The following SLC24A2 variants were observed in gnomAD, a reference collection of about 807,000 sequenced individuals.
The protein encoded by SLC24A2 is solute carrier family 24 member 2.
In SLC24A2, 36 loss-of-function variants were observed where a neutral mutation model predicts 62.0. The observed-to-expected ratio is 0.58, with a 90% CI of 0.44 to 0.77. The LOEUF is 0.77. Among genes scored for constraint, SLC24A2 ranks in the 30% least tolerant of loss-of-function variants. The probability of loss-of-function intolerance (pLI) is 0.00; values close to 1 mark genes in which losing one functional copy is unlikely to be tolerated. For missense variants in SLC24A2, 846 were observed against 817.9 expected (o/e 1.03, Z -0.42); for synonymous variants, 358 against 294.0 (o/e 1.22, Z -2.23).
At chr9:19,657,433 G>A (rs896949038) in intron 2 of SLC24A2, among the ~76,000 whole-genome samples, 1 of 151,944 alleles carries the variant, frequency 6.6e-6, no homozygotes, top group African/African-American at 2.4e-5. Context: ...GAACGTGCAG[G>A]TTTGTTACAT....
chr9:20,045,546 C>A, the SLC24A2 span, among the ~76,000 whole-genome samples: 1 of 152,098 alleles, frequency 6.6e-6, no homozygotes, highest in Non-Finnish European at 1.5e-5. Context: ...ACTCTCCTGC[C>A]TCAGCCTCCT....
the SLC24A2 span, among the ~76,000 whole-genome samples, chr9:19,984,866 C>A: frequency 6.6e-6 from 1 of 152,118 alleles, no homozygotes. Context: ...ACCTCACACC[C>A]TCCGAAATAT....
the SLC24A2 span, among the ~76,000 whole-genome samples, chr9:19,825,425 T>A: frequency 6.6e-6 from 1 of 152,176 alleles, no homozygotes; most frequent in South Asian, 2.1e-4. Flanking sequence ...TTATATCTAC[T>A]CTGGGGAAAT....
chr9:20,265,182 G>T, the SLC24A2 span, among the ~76,000 whole-genome samples: 1 of 152,234 alleles, frequency 6.6e-6, no homozygotes, highest in African/African-American at 2.4e-5. Context: ...TAGAAAGGAC[G>T]GACATCTATG....
chr9:20,015,534 T>A, the SLC24A2 span, among the ~76,000 whole-genome samples: 1 of 152,202 alleles, frequency 6.6e-6, no homozygotes, highest in Admixed American at 6.5e-5. Flanking sequence ...TTTCCAATTC[T>A]CATGCAAATG....
At chr9:20,118,352 C>A in the SLC24A2 span, among the ~76,000 whole-genome samples, 1 of 151,956 alleles carries the variant, frequency 6.6e-6, no homozygotes, top group African/African-American at 2.4e-5. Flanking sequence ...CATTTCTGAA[C>A]AATTTAAGTT....
chr9:20,236,879 T>C, the SLC24A2 span, among the ~76,000 whole-genome samples: 1 of 152,074 alleles, frequency 6.6e-6, no homozygotes, highest in Non-Finnish European at 1.5e-5. Flanking sequence ...GTGCCTGTCA[T>C]TTCCTAACTA....
chr9:19,773,802 AAAT>A (rs1421578769), intron 2 of SLC24A2, among the ~76,000 whole-genome samples: 7 of 152,230 alleles, frequency 4.6e-5, no homozygotes, highest in African/African-American at 1.4e-4. Flanking sequence ...AGCTAAGATT[AAAT>A]ATTGATGATA....
chr9:20,252,453 T>C, the SLC24A2 span, among the ~76,000 whole-genome samples: 1 of 152,186 alleles, frequency 6.6e-6, no homozygotes, highest in Non-Finnish European at 1.5e-5. Context: ...GATGCCATGC[T>C]TTTTGACACT....
chr9:20,049,530 C>G, the SLC24A2 span, among the ~76,000 whole-genome samples: 30 of 150,694 alleles, frequency 2.0e-4, no homozygotes, highest in African/African-American at 7.3e-4. Flanking sequence ...CACTGACACA[C>G]TCACACACAA....
intron 2 of SLC24A2, among the ~76,000 whole-genome samples, chr9:19,689,764 T>A (rs1259006407): frequency 6.6e-6 from 1 of 152,122 alleles, no homozygotes; most frequent in African/African-American, 2.4e-5. Context: ...CTCTCTCTGT[T>A]TGGGTTAATT....
the SLC24A2 span, among the ~76,000 whole-genome samples, chr9:20,041,407 G>T: frequency 1.3e-5 from 2 of 152,226 alleles, no homozygotes; most frequent in East Asian, 1.9e-4. Context: ...GCCTGCTGTG[G>T]CAATCAGCTT....
At chr9:19,547,786 CT>C (rs1282969240) in intron 8 of SLC24A2, among the ~76,000 whole-genome samples, 1 of 151,448 alleles carries the variant, frequency 6.6e-6, no homozygotes, top group East Asian at 1.9e-4. Context: ...ATTTTCCTCC[CT>C]AGGGCCACAC....
At chr9:20,260,849 C>CTTTT in the SLC24A2 span, among the ~76,000 whole-genome samples, 38 of 90,260 alleles carry the variant, frequency 4.2e-4, no homozygotes, top group South Asian at 5.8e-3. Context: ...ATCATTCTTT[C>CTTTT]TTTTTTTTTT....
At chr9:19,682,368 G>A (rs1209509053) in intron 2 of SLC24A2, among the ~76,000 whole-genome samples, 1 of 152,106 alleles carries the variant, frequency 6.6e-6, no homozygotes, top group Non-Finnish European at 1.5e-5. Context: ...GCCCAACCGG[G>A]AGAAACATTA....
At chr9:20,050,805 T>A in the SLC24A2 span, among the ~76,000 whole-genome samples, 1 of 152,202 alleles carries the variant, frequency 6.6e-6, no homozygotes, top group East Asian at 1.9e-4. Flanking sequence ...AATATAAAGC[T>A]GTAGCCTAAT....
At chr9:20,291,487 C>T in the SLC24A2 span, among the ~76,000 whole-genome samples, 7 of 152,166 alleles carry the variant, frequency 4.6e-5, no homozygotes, top group Non-Finnish European at 1.0e-4. Flanking sequence ...TGACATCTCA[C>T]ATCTCCCTCG....
chr9:19,588,413 G>A (rs1487759322), intron 5 of SLC24A2, among the ~76,000 whole-genome samples: 2 of 152,070 alleles, frequency 1.3e-5, no homozygotes, highest in Non-Finnish European at 2.9e-5. Context: ...TTTCTGTAGG[G>A]ATAGCAATGA....
At chr9:19,769,474 CTT>C (rs1386656002) in intron 2 of SLC24A2, among the ~76,000 whole-genome samples, 1 of 152,206 alleles carries the variant, frequency 6.6e-6, no homozygotes, top group Non-Finnish European at 1.5e-5. Flanking sequence ...ATGAGTCAGA[CTT>C]TGTCAGTATT....
Sources: allele counts gnomAD v4.1 joint callset (sites outside exome capture counted in the v4.1 genomes callset), GRCh38; gene constraint gnomAD v4.1.1; transcripts MANE v1.5; gene names NCBI Gene and HGNC (gene_info 2026-07-23, HGNC 2026-07-21).